ASTN2: variants seen among roughly 807,000 people sequenced by gnomAD.
The protein encoded by ASTN2 is astrotactin-2.
Under a neutral mutation model 139.8 loss-of-function variants are expected in ASTN2, and 54 were observed. The observed-to-expected ratio is 0.39, with a 90% CI of 0.31 to 0.48. ASTN2 has a LOEUF of 0.48. Among genes scored for constraint, ASTN2 ranks in the 20% least tolerant of loss-of-function variants. The probability of loss-of-function intolerance (pLI) is 0.95; values close to 1 mark genes in which losing one functional copy is unlikely to be tolerated. For synonymous variants in ASTN2, 756 were observed against 719.5 expected (o/e 1.05, Z -0.81); for missense variants, 1,565 against 1,725.1 (o/e 0.91, Z 1.64).
At chr9:117,232,210 C>T (rs531813107) in intron 2 of ASTN2, among the ~76,000 whole-genome samples, 53 of 152,258 alleles carry the variant, frequency 3.5e-4, no homozygotes, top group African/African-American at 1.3e-3. Context: ...AGTGTATTGT[C>T]TTGTTTTGAG....
intron 10 of ASTN2, among the ~76,000 whole-genome samples, chr9:116,903,777 A>T: frequency 6.6e-6 from 1 of 152,146 alleles, no homozygotes; most frequent in South Asian, 2.1e-4. Context: ...GTTTTTTTCC[A>T]TGCAGAGGCC....
chr9:116,527,864 G>A (rs932534871), intron 19 of ASTN2, among the ~76,000 whole-genome samples: 1 of 152,064 alleles, frequency 6.6e-6, no homozygotes, highest in Non-Finnish European at 1.5e-5. Flanking sequence ...CATGTAAGAT[G>A]TGCCTTGCTT....
intron 19 of ASTN2, among the ~76,000 whole-genome samples, chr9:116,565,469 C>A (rs1853184431): frequency 7.4e-6 from 1 of 134,960 alleles, no homozygotes; most frequent in Non-Finnish European, 1.5e-5. Context: ...ACTTCATCAC[C>A]CAGGCTGGAG....
intron 7 of ASTN2, among the ~76,000 whole-genome samples, chr9:117,005,474 C>T (rs980586097): frequency 1.3e-5 from 2 of 152,070 alleles, no homozygotes; most frequent in African/African-American, 4.8e-5. Flanking sequence ...TATAGTTGTA[C>T]ACTTCCTTCC....
intron 10 of ASTN2, among the ~76,000 whole-genome samples, chr9:116,867,930 G>T (rs1029915083): frequency 1.3e-5 from 2 of 152,130 alleles, no homozygotes; most frequent in Non-Finnish European, 2.9e-5. Context: ...TTCTTAACTC[G>T]GGGGCTCAAT....
At chr9:116,963,460 G>C (rs1340597748) in intron 10 of ASTN2, among the ~76,000 whole-genome samples, 2 of 152,286 alleles carry the variant, frequency 1.3e-5, no homozygotes, top group East Asian at 3.9e-4. Flanking sequence ...TTTATTTTGA[G>C]GCAGTTGAAG....
rs1185124153 is a variant in ASTN2 at position 116,725,929 on chromosome 9, A to C, written c.2648T>G (p.Ile883Ser). The change falls in exon 16 of 23, where the codon ATC becomes AGC. Residue 883 changes from isoleucine to serine, a missense_variant. Physicochemically the swap from Ile to Ser is moderately radical, Grantham distance 142. Coordinates refer to ENST00000313400, the MANE Select transcript of ASTN2 (RefSeq NM_001365068.1). ...CTCCCGACTGCTCTCCTTGGTCAGGATCTTGAGAACATTAGTGAAGCCTGG... is the reference window on the plus strand; with the variant it reads ...CTCCCGACTGCTCTCCTTGGTCAGGCTCTTGAGAACATTAGTGAAGCCTGG... ...LAAGFTNVLK[I>S]LTKESSREEL... 6.2e-7 allele frequency: 1 copy of C among 1,613,394 alleles called. No individual in the cohort carries two copies. Among genetic ancestry groups the C allele is most frequent in the Non-Finnish European group, 8.5e-7 (1 of 1,179,804 alleles).
At chr9:117,193,314 GT>G (rs1831397906) in intron 3 of ASTN2, among the ~76,000 whole-genome samples, 1 of 152,094 alleles carries the variant, frequency 6.6e-6, no homozygotes, top group Non-Finnish European at 1.5e-5. Flanking sequence ...AGGCAGTTTG[GT>G]ATAAGGATGT....
chr9:116,548,465 T>TTTG (rs57326511), intron 19 of ASTN2, among the ~76,000 whole-genome samples: 24,006 of 151,800 alleles, frequency 0.16, 2,049 homozygotes, highest in African/African-American at 0.21. Flanking sequence ...GGGGGAGGGT[T>TTTG]TTGTTGTTGT....
At chr9:117,333,596 A>C (rs545490404) in intron 1 of ASTN2, among the ~76,000 whole-genome samples, 39 of 152,318 alleles carry the variant, frequency 2.6e-4, no homozygotes, top group African/African-American at 9.4e-4. Context: ...CTTCCACATA[A>C]GACTTCAATA....
chr9:116,927,950 G>C (rs977021946), intron 10 of ASTN2, among the ~76,000 whole-genome samples: 38 of 152,098 alleles, frequency 2.5e-4, no homozygotes, highest in Non-Finnish European at 1.5e-4. Context: ...TTTGGCTACT[G>C]TTCCCTCCGT....
At chr9:116,944,332 A>G (rs191704255) in intron 10 of ASTN2, among the ~76,000 whole-genome samples, 67 of 152,234 alleles carry the variant, frequency 4.4e-4, no homozygotes, top group East Asian at 4.3e-3. Flanking sequence ...TAGTTTTGAG[A>G]GAGGAGATGA....
chr9:116,779,617 C>G (rs1462958393), intron 13 of ASTN2, among the ~76,000 whole-genome samples: 1 of 152,046 alleles, frequency 6.6e-6, no homozygotes, highest in Non-Finnish European at 1.5e-5. Context: ...AAAGAAAATT[C>G]TAAACATTGA....
Position 116,425,459 on chromosome 9 carries a change from T to C in ASTN2, c.*392A>G, listed in dbSNP as rs573481895. 355 of 1,101,740 alleles carry C rather than the reference T, an allele frequency of 3.2e-4. 3 individuals are homozygous for C. The South Asian group carries it at 4.6e-3, about 14-fold the overall frequency. 68.2% of individuals were successfully genotyped at this position (1,101,740 alleles called of 1,614,324 possible). On this transcript the variant is annotated 3_prime_UTR_variant, in exon 23 of 23. Coordinates refer to ENST00000313400, the MANE Select transcript of ASTN2 (RefSeq NM_001365068.1). The stretch of plus-strand genomic sequence containing the variant: ...GGGTCAGGTCAAAACTGTCCCTCCA[T>C]AGGTCTCCTCCAGGGGTCCATGGCA...
chr9:116,776,488 G>A (rs1289059343), intron 13 of ASTN2, among the ~76,000 whole-genome samples: 2 of 152,156 alleles, frequency 1.3e-5, no homozygotes, highest in Non-Finnish European at 1.5e-5. Context: ...CCAAGTGTCC[G>A]CGCTTGAAAC....
intron 10 of ASTN2, among the ~76,000 whole-genome samples, chr9:116,888,088 C>T (rs1037143314): frequency 1.8e-4 from 28 of 152,038 alleles, no homozygotes; most frequent in African/African-American, 6.5e-4. Context: ...AAGTGTCTGA[C>T]CCTCAATCTA....
chr9:117,359,719 A>T (rs925727139), intron 1 of ASTN2, among the ~76,000 whole-genome samples: 1 of 152,052 alleles, frequency 6.6e-6, no homozygotes, highest in East Asian at 1.9e-4. Context: ...AGAACACAGG[A>T]ATTGAGGTCT....
chr9:116,867,866 A>C (rs1271991207), intron 10 of ASTN2, among the ~76,000 whole-genome samples: 2 of 152,192 alleles, frequency 1.3e-5, no homozygotes, highest in Non-Finnish European at 2.9e-5. Context: ...GACAGGAAAA[A>C]AAAGCTTAAA....
chr9:116,851,335 C>G (rs1832595387), intron 11 of ASTN2, among the ~76,000 whole-genome samples: 1 of 151,994 alleles, frequency 6.6e-6, no homozygotes, highest in Admixed American at 6.6e-5. Flanking sequence ...TGGGGGAGGG[C>G]TTATGGAATG....
Sources: allele counts gnomAD v4.1 joint callset (sites outside exome capture counted in the v4.1 genomes callset), GRCh38; gene constraint gnomAD v4.1.1; transcripts MANE v1.5; gene names NCBI Gene and HGNC (gene_info 2026-07-23, HGNC 2026-07-21).